The following TDRD15 variants were observed in gnomAD, a reference collection of about 807,000 sequenced individuals.
TDRD15 encodes the protein tudor domain containing 15.
For synonymous variants in TDRD15, 503 were observed against 314.5 expected, an observed-to-expected ratio of 1.60 and a Z score of -6.34; for missense variants, 1,416 against 904.7, an observed-to-expected ratio of 1.57 and a Z score of -7.25.
downstream of TDRD15, among the ~76,000 whole-genome samples, chr2:21,145,677 C>A (rs1294202539): frequency 6.6e-6 from 1 of 151,912 alleles, no homozygotes; most frequent in East Asian, 1.9e-4. Context: ...TCCATACTTG[C>A]TATAATCATA....
In TDRD15 at chr2:21,135,571, A is replaced by G. The variant is rs1001034727; in HGVS notation, c.-4+724A>G. Among the ~76,000 whole-genome samples, 6 of 152,006 alleles carry G rather than the reference A, an allele frequency of 3.9e-5. 1 individual carries two copies. The highest frequency in any genetic ancestry group is 3.3e-4 in the Admixed American group (5 of 15,214). On this transcript the variant is annotated intron_variant, in intron 3 of 3. Transcript: ENST00000405799. Reference sequence around the variant, plus strand: ...CAGCATTCCTAATCATCTTGCAGAAACTATTAGCCATTGCATATTAATATG... The same window carrying G: ...CAGCATTCCTAATCATCTTGCAGAAGCTATTAGCCATTGCATATTAATATG...
chr2:21,143,167 C>A lies in TDRD15; in HGVS notation c.5700C>A (p.Asn1900Lys), dbSNP rs1665970742. 1 of 707,270 alleles carries A rather than the reference C, an allele frequency of 1.4e-6. No homozygotes were observed. The highest frequency in any genetic ancestry group is 2.6e-6 in the Non-Finnish European group (1 of 381,532). The allele number at this position is 707,270 out of a possible 1,614,324, so 43.8% of individuals were successfully genotyped here. A position where few individuals can be genotyped will look rare whatever the true frequency, so the allele number is the denominator to read the frequency against. Reference sequence around the variant, plus strand: ...AAGTAGATGTCATTCATGAGAAAAACAATTTGGCAGATATATTAGTTGCAT... The same window carrying A: ...AAGTAGATGTCATTCATGAGAAAAAAAATTTGGCAGATATATTAGTTGCAT... The part of the protein sequence containing the change: ...KLKVDVIHEK[N>K]NLADILVASG... Residue 1900 changes from asparagine (N) to lysine (K), a missense_variant, in exon 4 of 4, where the codon AAC (asparagine) becomes AAA (lysine). Transcript: ENST00000405799.
rs1665924998 is a variant in TDRD15 at position 21,141,325 on chromosome 2, T to C, written c.3858T>C (p.Leu1286=). Residue 1286 remains leucine (L), a synonymous_variant, in exon 4 of 4, where the codon CTT becomes CTC. Coordinates refer to ENST00000405799, the MANE Select transcript of TDRD15 (RefSeq NM_001306137.2). ...YDLIRPQIKD[L]PQPQIYLNAK... is the part of the protein sequence containing the mutation. ...TTATTAGGCCACAGATCAAAGACCT[T>C]CCTCAACCGCAAATTTATTTGAATG... 1 of 715,702 alleles carries C rather than the reference T, an allele frequency of 1.4e-6. No homozygotes were observed. The highest frequency in any genetic ancestry group is 2.7e-5 in the East Asian group (1 of 37,266). 44.3% of individuals were successfully genotyped at this position (715,702 alleles called of 1,614,324 possible). A position where few individuals can be genotyped will look rare whatever the true frequency, so the allele number is the denominator to read the frequency against.
chr2:21,131,273 C>G (rs955188330), intron 2 of TDRD15, among the ~76,000 whole-genome samples: 1 of 152,128 alleles, frequency 6.6e-6, no homozygotes, highest in South Asian at 2.1e-4. Context: ...TGTAATATGT[C>G]GACATATGGA....
In TDRD15 at chr2:21,126,012, ATGTGTGTG is replaced by A. The variant is rs144032102; in HGVS notation, c.-200-1579_-200-1572del. On this transcript the variant is annotated intron_variant, in intron 1 of 3. Transcript: ENST00000405799. ...ATTCAGGTTGTGCATGTGTGTGTGTATGTGTGTGTGTGTGTGTCTGTGTGTCTTACAGC... is the reference window on the plus strand; with the variant it reads ...ATTCAGGTTGTGCATGTGTGTGTGTATGTGTGTGTCTGTGTGTCTTACAGC... 1.3e-3 allele frequency among the ~76,000 whole-genome samples: 191 copies of A among 149,502 alleles called. No homozygotes were observed. The Middle Eastern group carries it at 0.048, about 38-fold the overall frequency.
chr2:21,134,132 T>C (rs1665766751), intron 2 of TDRD15, among the ~76,000 whole-genome samples: 1 of 151,924 alleles, frequency 6.6e-6, no homozygotes, highest in Non-Finnish European at 1.5e-5. Context: ...CTATAATATA[T>C]ATTCTATAGA....
chr2:21,141,762 C>T lies in TDRD15; in HGVS notation c.4295C>T (p.Ser1432Leu), dbSNP rs541096820. Residue 1432 changes from serine to leucine, a missense_variant, in exon 4 of 4, where the codon TCG (serine) becomes TTG (leucine). Transcript: ENST00000405799. ...WDDKTVDYFTSKVHNKTVYCE... is the reference protein window; with the variant it reads ...WDDKTVDYFTLKVHNKTVYCE... ...GACAAAACTGTGGATTATTTTACTT[C>T]GAAAGTACATAACAAAACAGTTTAT... 59 of 714,624 alleles carry T rather than the reference C, an allele frequency of 8.3e-5. No individual in the cohort carries two copies. The highest frequency in any genetic ancestry group is 4.6e-4 in the Middle Eastern group (2 of 4,360). 44.3% of individuals were successfully genotyped at this position (714,624 alleles called of 1,614,324 possible). A position where few individuals can be genotyped will look rare whatever the true frequency, so the allele number is the denominator to read the frequency against.
At chr2:21,146,217 GTAATTTTGAGCTAAACT>G (rs1666027101), downstream of TDRD15, among the ~76,000 whole-genome samples, 1 of 152,012 alleles carries the variant, frequency 6.6e-6, no homozygotes, top group African/African-American at 2.4e-5. Flanking sequence ...ATGAGTCACA[GTAATTTTGAGCTAAACT>G]TAATTCAGAG....
intron 1 of TDRD15, among the ~76,000 whole-genome samples, chr2:21,127,334 G>C (rs1345599935): frequency 6.6e-6 from 1 of 151,952 alleles, no homozygotes; most frequent in African/African-American, 2.4e-5. Flanking sequence ...TATTGATTTT[G>C]TCCCTCTTTA....
chr2:21,145,926 G>A (rs1666023291), downstream of TDRD15, among the ~76,000 whole-genome samples: 1 of 151,876 alleles, frequency 6.6e-6, no homozygotes, highest in African/African-American at 2.4e-5. Flanking sequence ...CCTTGGCTTT[G>A]CATTGGAATT....
downstream of TDRD15, among the ~76,000 whole-genome samples, chr2:21,144,526 T>C (rs1214917120): frequency 3.3e-5 from 5 of 151,856 alleles, no homozygotes; most frequent in East Asian, 9.6e-4. Context: ...CCCCCTTTTC[T>C]ATCTAATTTT....
chr2:21,146,788 T>C (rs1408100023), downstream of TDRD15, among the ~76,000 whole-genome samples: 1 of 152,116 alleles, frequency 6.6e-6, no homozygotes, highest in Admixed American at 6.6e-5. Context: ...GGAGAATGGC[T>C]GATAGACATG....
Position 21,140,232 on chromosome 2 carries a change from C to T in TDRD15, c.2765C>T (p.Ser922Leu). The part of the protein sequence containing the change: ...HLYNLVDLQS[S>L]FTSAKEFLMN... ...TATAACTTAGTGGATTTACAGTCCT[C>T]ATTTACTAGTGCAAAAGAATTTCTT... The change falls in exon 4 of 4, where the codon TCA becomes TTA. Residue 922 changes from serine (S) to leucine (L), a missense_variant. By Grantham distance (145) the Ser-to-Leu change is moderately radical. Transcript: ENST00000405799. 1.4e-6 allele frequency: 1 copy of T among 715,384 alleles called. No homozygotes were observed. 44.3% of individuals were successfully genotyped at this position (715,384 alleles called of 1,614,324 possible).
At chr2:21,127,461 T>A (rs1665620740) in intron 1 of TDRD15, 140 bp from the exon 2 acceptor site, 1 of 152,226 alleles carries the variant, frequency 6.6e-6, no homozygotes, top group Non-Finnish European at 1.5e-5. Flanking sequence ...GGGTTTATAT[T>A]CCATTTAGAA....
chr2:21,137,398 A>G (rs1181776085), intron 3 of TDRD15, 67 bp from the exon 4 acceptor site: 2 of 543,390 alleles, frequency 3.7e-6, no homozygotes, highest in Non-Finnish European at 3.3e-6. Flanking sequence ...TTATATTTAT[A>G]TGCCAAACAT....
chr2:21,138,138 T>C lies in TDRD15; in HGVS notation c.671T>C (p.Leu224Pro). The C allele has an allele frequency of 2.8e-6, 2 of 716,640 alleles. No homozygotes were observed. The highest frequency in any genetic ancestry group is 5.2e-6 in the Non-Finnish European group (2 of 384,460). 44.4% of individuals were successfully genotyped at this position (716,640 alleles called of 1,614,324 possible). ...ELSLGNKDTSLDIQHVLDKLQ... is the reference protein window; with the variant it reads ...ELSLGNKDTSPDIQHVLDKLQ... Reference sequence around the variant, plus strand: ...TCATTAGGTAATAAAGATACTTCACTTGATATTCAGCATGTTCTGGATAAG... The same window carrying C: ...TCATTAGGTAATAAAGATACTTCACCTGATATTCAGCATGTTCTGGATAAG... The change falls in exon 4 of 4, where the codon CTT becomes CCT. Residue 224 changes from leucine (L) to proline (P), a missense_variant. Physicochemically the swap from Leu to Pro is moderately conservative, Grantham distance 98 (BLOSUM62 -3). Coordinates refer to ENST00000405799, the MANE Select transcript of TDRD15 (RefSeq NM_001306137.2).
intron 2 of TDRD15, among the ~76,000 whole-genome samples, chr2:21,128,838 C>T (rs1365635942): frequency 6.7e-6 from 1 of 149,528 alleles, no homozygotes; most frequent in African/African-American, 2.5e-5. Context: ...AAATGTATGG[C>T]CATTTATAGA....
rs952822430 is a variant in TDRD15, at chr2:21,129,316, G to A, written c.-90+1605G>A. On this transcript the variant is annotated intron_variant, in intron 2 of 3. Coordinates refer to ENST00000405799, the MANE Select transcript of TDRD15 (RefSeq NM_001306137.2). Reference sequence around the variant, plus strand: ...CAAACTTTTTGAAAATGGCTGTACCGTTTTACAGGTGCAGATTGCAGGAGG... The same window carrying A: ...CAAACTTTTTGAAAATGGCTGTACCATTTTACAGGTGCAGATTGCAGGAGG... Among the ~76,000 whole-genome samples the A allele has an allele frequency of 1.3e-4, 20 of 152,136 alleles. 1 individual carries two copies. The highest frequency in any genetic ancestry group is 1.2e-3 in the Admixed American group (19 of 15,280).
Position 21,137,591 on chromosome 2 carries a change from G to T in TDRD15, c.124G>T (p.Asp42Tyr). 2.8e-6 allele frequency: 2 copies of T among 715,548 alleles called. No individual in the cohort carries two copies. The highest frequency in any genetic ancestry group is 3.0e-5 in the South Asian group (2 of 67,222). 44.3% of individuals were successfully genotyped at this position (715,548 alleles called of 1,614,324 possible). A position where few individuals can be genotyped will look rare whatever the true frequency, so the allele number is the denominator to read the frequency against. ...CATAAAGAGTAATGAATGTGAGTTT[G>T]ACTACCATGTATTGCAGAGAGAAAT... ...QGIKSNECEF[D>Y]YHVLQREIQH... Residue 42 changes from aspartate to tyrosine, a missense_variant, in exon 4 of 4, where the codon GAC (aspartate) becomes TAC (tyrosine). Physicochemically the swap from Asp to Tyr is radical, Grantham distance 160 (BLOSUM62 -3). Transcript: ENST00000405799.
Sources: gnomAD v4.1 joint callset for allele counts (sites outside exome capture counted in the v4.1 genomes callset) on GRCh38, gnomAD v4.1.1 for gene constraint, MANE v1.5 for transcripts, NCBI Gene and HGNC (gene_info 2026-07-23, HGNC 2026-07-21) for gene names.